FARS2: variants seen among roughly 807,000 people sequenced by gnomAD.
The protein encoded by FARS2 is phenylalanine--tRNA ligase, mitochondrial.
A neutral mutation model predicts 46.4 loss-of-function variants in FARS2; 40 were observed. The observed-to-expected ratio is 0.86, with a 90% CI of 0.67 to 1.12. The LOEUF is 1.12. Among genes scored for constraint, FARS2 ranks in the 50% most tolerant of loss-of-function variants. FARS2 has a pLI of 0.00. For missense variants in FARS2, 513 were observed against 567.9 expected, an observed-to-expected ratio of 0.90 and a Z score of 0.98; for synonymous variants, 234 against 214.9, an observed-to-expected ratio of 1.09 and a Z score of -0.78.
chr6:5,539,237 C>T (rs1806781), intron 4 of FARS2, among the ~76,000 whole-genome samples: 36,506 of 149,610 alleles, frequency 0.24, 4,784 homozygotes, highest in Middle Eastern at 0.34. Flanking sequence ...ACAGGAGTCT[C>T]GCTCTGTGGC....
chr6:5,538,278 A>G (rs1193678056), intron 4 of FARS2, among the ~76,000 whole-genome samples: 2 of 152,192 alleles, frequency 1.3e-5, no homozygotes, highest in African/African-American at 2.4e-5. Flanking sequence ...TTAAGTGTCT[A>G]TGTATTTATG....
At chr6:5,711,936 T>C (rs916233496) in intron 6 of FARS2, among the ~76,000 whole-genome samples, 7 of 152,202 alleles carry the variant, frequency 4.6e-5, no homozygotes, top group Non-Finnish European at 8.8e-5. Flanking sequence ...GATGTTAATA[T>C]CAGGGGAACC....
chr6:5,405,764 T>G (rs554792108), intron 3 of FARS2, among the ~76,000 whole-genome samples: 2 of 152,266 alleles, frequency 1.3e-5, no homozygotes, highest in East Asian at 3.9e-4. Context: ...AGTGCTGGGA[T>G]TACAGGCGTG....
chr6:5,291,026 A>G (rs1462060082), intron 1 of FARS2: 1 of 152,338 alleles, frequency 6.6e-6, no homozygotes, highest in East Asian at 1.9e-4. Context: ...AGCCTGTGCT[A>G]ATCTTAGAAG....
At chr6:5,275,859 A>C (rs1766295511) in intron 1 of FARS2, among the ~76,000 whole-genome samples, 1 of 108,860 alleles carries the variant, frequency 9.2e-6, no homozygotes, top group African/African-American at 3.1e-5. Flanking sequence ...CATATTTTGC[A>C]TACTTTATCT....
At chr6:5,672,682 G>C (rs1265288813) in intron 6 of FARS2, among the ~76,000 whole-genome samples, 1 of 152,100 alleles carries the variant, frequency 6.6e-6, no homozygotes, top group Non-Finnish European at 1.5e-5. Flanking sequence ...CTTAAAAATA[G>C]CATCTGAAGT....
chr6:5,624,012 G>A (rs913403308), intron 6 of FARS2, among the ~76,000 whole-genome samples: 2 of 152,166 alleles, frequency 1.3e-5, no homozygotes, highest in Non-Finnish European at 2.9e-5. Flanking sequence ...CCTTGAAATT[G>A]GCAGCATGCA....
chr6:5,610,587 G>A (rs1335243589), intron 5 of FARS2, among the ~76,000 whole-genome samples: 3 of 152,114 alleles, frequency 2.0e-5, no homozygotes, highest in African/African-American at 2.4e-5. Context: ...TTATATAAGG[G>A]ACCTGAGGAT....
At chr6:5,392,936 G>A (rs1760658833) in intron 2 of FARS2, among the ~76,000 whole-genome samples, 1 of 146,160 alleles carries the variant, frequency 6.8e-6, no homozygotes, top group South Asian at 2.1e-4. Context: ...ATATATGTGT[G>A]TGTGTATATA....
intron 6 of FARS2, among the ~76,000 whole-genome samples, chr6:5,726,044 T>C (rs1174732464): frequency 1.3e-5 from 2 of 152,170 alleles, no homozygotes; most frequent in African/African-American, 4.8e-5. Context: ...TGGGTGTCAT[T>C]CACAGTAGGG....
chr6:5,518,128 A>G (rs1257090781), intron 4 of FARS2, among the ~76,000 whole-genome samples: 1 of 152,186 alleles, frequency 6.6e-6, no homozygotes, highest in African/African-American at 2.4e-5. Flanking sequence ...ACCAGGCTCC[A>G]CAGCAGAGGC....
chr6:5,303,541 C>T (rs1245378510), intron 1 of FARS2, among the ~76,000 whole-genome samples: 1 of 152,080 alleles, frequency 6.6e-6, no homozygotes, highest in Non-Finnish European at 1.5e-5. Flanking sequence ...TGCCCTCCCT[C>T]TGAGCCTGCC....
chr6:5,333,986 TTGA>T (rs1770979789), intron 1 of FARS2, among the ~76,000 whole-genome samples: 1 of 152,238 alleles, frequency 6.6e-6, no homozygotes, highest in African/African-American at 2.4e-5. Flanking sequence ...TCCAAGGGAC[TTGA>T]TGCCTGTCCT....
intron 6 of FARS2, among the ~76,000 whole-genome samples, chr6:5,699,149 T>A (rs1477659121): frequency 6.6e-6 from 1 of 152,192 alleles, no homozygotes; most frequent in Non-Finnish European, 1.5e-5. Flanking sequence ...TAGAGTGGCA[T>A]TGAATGTGAT....
chr6:5,755,810 G>A (rs1762173745), intron 6 of FARS2, among the ~76,000 whole-genome samples: 1 of 152,158 alleles, frequency 6.6e-6, no homozygotes, highest in South Asian at 2.1e-4. Flanking sequence ...GTCTTCAAGG[G>A]TTAGCACCTT....
chr6:5,517,393 A>G (rs987979780), intron 4 of FARS2, among the ~76,000 whole-genome samples: 3 of 152,104 alleles, frequency 2.0e-5, no homozygotes, highest in African/African-American at 7.2e-5. Flanking sequence ...AGGCAGATCC[A>G]CTTGAGTTCA....
chr6:5,294,851 C>T lies in FARS2; in HGVS notation c.-22+33191C>T, dbSNP rs145441715. On this transcript the variant is annotated intron_variant, in intron 1 of 6. Transcript: ENST00000274680. ...TGAACCCTTTCCCCTTGGGTTTTTA[C>T]GGAAGCTTCATGACATCAGCATTCC... 2.4e-3 allele frequency among the ~76,000 whole-genome samples: 361 copies of T among 152,184 alleles called. 4 individuals are homozygous for T. The highest frequency in any genetic ancestry group is 8.2e-3 in the African/African-American group (342 of 41,522).
intron 6 of FARS2, among the ~76,000 whole-genome samples, chr6:5,657,398 A>C (rs752991876): frequency 3.9e-5 from 6 of 152,182 alleles, no homozygotes; most frequent in Non-Finnish European, 8.8e-5. Flanking sequence ...GATTAGATTG[A>C]CCAATCAAGC....
intron 4 of FARS2, among the ~76,000 whole-genome samples, chr6:5,438,877 C>CTGA (rs1763683311): frequency 6.6e-6 from 1 of 152,186 alleles, no homozygotes. Context: ...GAACCTGCAT[C>CTGA]TGATAGTTCC....
Sources: gnomAD v4.1 joint callset for allele counts (sites outside exome capture counted in the v4.1 genomes callset) on GRCh38, gnomAD v4.1.1 for gene constraint, MANE v1.5 for transcripts, NCBI Gene and HGNC (gene_info 2026-07-23, HGNC 2026-07-21) for gene names.